GHR: variants seen among roughly 807,000 people sequenced by gnomAD.
GHR encodes the protein growth hormone receptor, also known as GH receptor.
A neutral mutation model predicts 67.1 loss-of-function variants in GHR; 35 were observed. The observed-to-expected ratio is 0.52, with a 90% CI of 0.40 to 0.69. GHR has a LOEUF of 0.69. Among genes scored for constraint, GHR ranks in the 30% least tolerant of loss-of-function variants. GHR has a pLI of 0.00. For synonymous variants in GHR, 272 were observed against 269.1 expected, an observed-to-expected ratio of 1.01 and a Z score of -0.10; for missense variants, 792 against 764.6, an observed-to-expected ratio of 1.04 and a Z score of -0.42.
At chr5:42,605,946 G>T (rs934137649) in intron 2 of GHR, among the ~76,000 whole-genome samples, 1 of 152,200 alleles carries the variant, frequency 6.6e-6, no homozygotes, top group African/African-American at 2.4e-5. Context: ...TGAGAGCTGG[G>T]TGTTTTTGCT....
intron 3 of GHR, among the ~76,000 whole-genome samples, chr5:42,683,425 G>A (rs1055019904): frequency 9.2e-5 from 14 of 152,340 alleles, no homozygotes; most frequent in Admixed American, 6.5e-4. Context: ...ACCAGCAAAA[G>A]GGTGAGTCTG....
At chr5:42,567,600 TC>T in intron 2 of GHR, among the ~76,000 whole-genome samples, 1 of 151,826 alleles carries the variant, frequency 6.6e-6, no homozygotes, top group Non-Finnish European at 1.5e-5. Flanking sequence ...CATTTTTGTC[TC>T]TTTTTTTTTT....
At chr5:42,474,995 T>G (rs1173648711) in intron 1 of GHR, among the ~76,000 whole-genome samples, 2 of 151,358 alleles carry the variant, frequency 1.3e-5, no homozygotes, top group Non-Finnish European at 2.9e-5. Flanking sequence ...GTGATTCTCC[T>G]GCCTCAGCCT....
chr5:42,479,497 T>C (rs981473690), intron 1 of GHR, among the ~76,000 whole-genome samples: 6 of 152,228 alleles, frequency 3.9e-5, no homozygotes, highest in African/African-American at 1.4e-4. Context: ...AGAATTCGGC[T>C]GTGAATCCAT....
intron 3 of GHR, among the ~76,000 whole-genome samples, chr5:42,634,940 A>T (rs1754103839): frequency 6.6e-6 from 1 of 152,036 alleles, no homozygotes; most frequent in Non-Finnish European, 1.5e-5. Context: ...GTATAACATA[A>T]GGGAAATGTG....
rs546174158 is a variant in GHR at position 42,437,787 on chromosome 5, C to A, written c.-12+13832C>A. ...CCCAGGCTGATCTTGAACTCCTGAG[C>A]TCAAGTGATCAGCCCACCTCAGCCT... On this transcript the variant is annotated intron_variant, in intron 1 of 9. Coordinates refer to ENST00000230882, the MANE Select transcript of GHR (RefSeq NM_000163.5). 2.5e-3 allele frequency among the ~76,000 whole-genome samples: 376 copies of A among 151,426 alleles called. 1 individual carries two copies. The highest frequency in any genetic ancestry group is 3.0e-3 in the Non-Finnish European group (203 of 67,906).
intron 2 of GHR, among the ~76,000 whole-genome samples, chr5:42,605,640 G>T (rs1299987293): frequency 6.6e-6 from 1 of 152,220 alleles, no homozygotes; most frequent in Non-Finnish European, 1.5e-5. Context: ...TAGAGGATCT[G>T]TGCCAAATGC....
At chr5:42,590,161 A>G (rs1050875663) in intron 2 of GHR, among the ~76,000 whole-genome samples, 2 of 152,238 alleles carry the variant, frequency 1.3e-5, no homozygotes, top group South Asian at 2.1e-4. Context: ...TTTACTCTCA[A>G]TTATAGCTGG....
intron 2 of GHR, among the ~76,000 whole-genome samples, chr5:42,625,305 G>A (rs1753645196): frequency 1.3e-5 from 2 of 151,530 alleles, no homozygotes; most frequent in African/African-American, 4.9e-5. Context: ...TTTCTATTAA[G>A]GACTGAAACA....
At chr5:42,485,289 G>A (rs938693357) in intron 1 of GHR, among the ~76,000 whole-genome samples, 2 of 151,846 alleles carry the variant, frequency 1.3e-5, no homozygotes, top group African/African-American at 4.8e-5. Context: ...ACCCTTCCTG[G>A]TCTAGCTCTA....
At chr5:42,596,492 G>A (rs557692790) in intron 2 of GHR, among the ~76,000 whole-genome samples, 1 of 152,286 alleles carries the variant, frequency 6.6e-6, no homozygotes, top group South Asian at 2.1e-4. Context: ...ACACTGTAGG[G>A]CAGCACACGA....
intron 2 of GHR, among the ~76,000 whole-genome samples, chr5:42,603,127 G>A (rs980917379): frequency 7.4e-5 from 8 of 107,930 alleles, no homozygotes; most frequent in South Asian, 3.4e-4. Flanking sequence ...AGCCGTCTTT[G>A]TTGTTAGGTT....
At chr5:42,588,415 G>C (rs1277939052) in intron 2 of GHR, among the ~76,000 whole-genome samples, 1 of 151,456 alleles carries the variant, frequency 6.6e-6, no homozygotes, top group Non-Finnish European at 1.5e-5. Flanking sequence ...AGCTACTTGG[G>C]AGACTGAAGC....
chr5:42,426,206 T>C (rs1015593525), intron 1 of GHR, among the ~76,000 whole-genome samples: 1 of 152,188 alleles, frequency 6.6e-6, no homozygotes, highest in Non-Finnish European at 1.5e-5. Flanking sequence ...TAGCATAATA[T>C]AATAAATGGA....
chr5:42,511,580 T>A (rs564507531), intron 1 of GHR, among the ~76,000 whole-genome samples: 1 of 152,314 alleles, frequency 6.6e-6, no homozygotes, highest in African/African-American at 2.4e-5. Flanking sequence ...CTCTGTTTTT[T>A]GTTTTTTGTT....
chr5:42,464,314 G>A (rs949870695), intron 1 of GHR, among the ~76,000 whole-genome samples: 9 of 152,118 alleles, frequency 5.9e-5, no homozygotes, highest in Non-Finnish European at 1.3e-4. Flanking sequence ...CTCTCTTTGT[G>A]TTCTAAATGA....
chr5:42,488,721 T>C (rs1219808572), intron 1 of GHR, among the ~76,000 whole-genome samples: 1 of 152,208 alleles, frequency 6.6e-6, no homozygotes, highest in African/African-American at 2.4e-5. Flanking sequence ...AAACTATAAA[T>C]TGCTCAGTTA....
At chr5:42,621,326 T>C (rs1315819744) in intron 2 of GHR, among the ~76,000 whole-genome samples, 5 of 152,134 alleles carry the variant, frequency 3.3e-5, no homozygotes, top group African/African-American at 1.2e-4. Flanking sequence ...TCCCTGGACG[T>C]CACTACTGCA....
intron 1 of GHR, among the ~76,000 whole-genome samples, chr5:42,480,479 C>T (rs1367895200): frequency 6.6e-6 from 1 of 152,110 alleles, no homozygotes; most frequent in Non-Finnish European, 1.5e-5. Flanking sequence ...CTAATGTTGA[C>T]ATTGGGGTGT....
Sources: gnomAD v4.1 joint callset for allele counts (sites outside exome capture counted in the v4.1 genomes callset) on GRCh38, gnomAD v4.1.1 for gene constraint, MANE v1.5 for transcripts, NCBI Gene and HGNC (gene_info 2026-07-23, HGNC 2026-07-21) for gene names.